TOPBP1: variants seen among roughly 807,000 people sequenced by gnomAD.
TOPBP1 encodes DNA topoisomerase II binding protein 1.
Under a neutral mutation model 167.7 loss-of-function variants are expected in TOPBP1, and 28 were observed. The observed-to-expected ratio is 0.17, with a 90% CI of 0.12 to 0.23. TOPBP1 has a LOEUF of 0.23. Among genes scored for constraint, TOPBP1 ranks in the 10% least tolerant of loss-of-function variants. The pLI is 1.00. For missense variants in TOPBP1, 1,554 were observed against 1,809.6 expected (o/e 0.86, Z 2.56); for synonymous variants, 598 against 611.4 (o/e 0.98, Z 0.32).
intron 14 of TOPBP1, among the ~76,000 whole-genome samples, chr3:133,630,309 T>G (rs1343589187): frequency 6.6e-6 from 1 of 151,740 alleles, no homozygotes; most frequent in East Asian, 1.9e-4. Flanking sequence ...AGCTTTTTTT[T>G]TTTTTCAGAG....
At chr3:133,657,257 T>C (rs1936507171) in intron 4 of TOPBP1, among the ~76,000 whole-genome samples, 1 of 151,754 alleles carries the variant, frequency 6.6e-6, no homozygotes. Flanking sequence ...GGCATGAAGA[T>C]TACTTGAGCC....
At chr3:133,637,142 G>A (rs1403423979) in intron 14 of TOPBP1, among the ~76,000 whole-genome samples, 1 of 151,972 alleles carries the variant, frequency 6.6e-6, no homozygotes, top group Non-Finnish European at 1.5e-5. Context: ...TACCCTACAA[G>A]CAAAAATATC....
rs768855763 is a variant in TOPBP1 at position 133,649,583 on chromosome 3, T to C, written c.1304A>G (p.Tyr435Cys). 48 of 1,613,852 alleles carry C rather than the reference T, an allele frequency of 3.0e-5. 1 individual carries two copies. The South Asian group carries it at 5.1e-4, about 17-fold the overall frequency. ...GATATATGGTTCTTCAGAAAGCATA[T>C]AACCTTTACTGAAACACTCTAGCAA... Reference protein sequence around the residue: ...KWLLECFSKGYMLSEEPYIHA... With the variant: ...KWLLECFSKGCMLSEEPYIHA... Residue 435 changes from tyrosine (Y) to cysteine (C), a missense_variant, in exon 10 of 28, where the codon TAT (tyrosine) becomes TGT (cysteine). This residue lies in a region of TOPBP1 where 1,197 missense variants were observed against 1,351.5 expected (regional missense o/e 0.89). Coordinates refer to ENST00000260810, the MANE Select transcript of TOPBP1 (RefSeq NM_007027.4).
At chr3:133,644,588 T>C (rs1281441112) in intron 10 of TOPBP1, among the ~76,000 whole-genome samples, 2 of 152,212 alleles carry the variant, frequency 1.3e-5, no homozygotes, top group African/African-American at 4.8e-5. Flanking sequence ...GCAATCATGT[T>C]AGTTCTAGGT....
rs749017476 is a variant in TOPBP1 at position 133,612,433 on chromosome 3, G to A, written c.3991C>T (p.Arg1331Cys). 1.9e-5 allele frequency: 30 copies of A among 1,613,764 alleles called. No individual in the cohort carries two copies. The highest frequency in any genetic ancestry group is 1.3e-4 in the Admixed American group (8 of 59,986). ...GTCCTGCAGGCTTCAAGGTAGGAGC[G>A]ATGAAGCACCCACTTCCCAGCTGCC... is the stretch of plus-strand genomic sequence containing the variant. ...SVAAGKWVLH[R>C]SYLEACRTAG... Residue 1331 changes from arginine (R) to cysteine (C), a missense_variant, in exon 24 of 28, where the codon CGC becomes TGC. Around this residue, in one of 3 missense-constraint regions of TOPBP1, gnomAD observed 351 missense variants for 432.9 expected, o/e 0.81. Transcript: ENST00000260810.
At chr3:133,620,571 A>G (rs1275989391) in intron 19 of TOPBP1, among the ~76,000 whole-genome samples, 1 of 149,144 alleles carries the variant, frequency 6.7e-6, no homozygotes, top group East Asian at 1.9e-4. Context: ...GAAGCCCTTC[A>G]AATACTTTTT....
Position 133,655,294 on chromosome 3 carries a change from T to C in TOPBP1, c.738A>G (p.Pro246=). ...CTTTGTGAAACACAGTTTTACCTTTTGGTTCTTGCACAATGAGGTGTGTAC... is the reference window on the plus strand; with the variant it reads ...CTTTGTGAAACACAGTTTTACCTTTCGGTTCTTGCACAATGAGGTGTGTAC... The part of the protein sequence containing the change: ...NECTHLIVQE[P]KGQKYECAKR... The change falls in exon 6 of 28, where the codon CCA becomes CCG. Residue 246 remains proline, a synonymous_variant. Coordinates refer to ENST00000260810, the MANE Select transcript of TOPBP1 (RefSeq NM_007027.4). 7.1e-7 allele frequency: 1 copy of C among 1,409,034 alleles called. No individual in the cohort carries two copies. The highest frequency in any genetic ancestry group is 2.0e-5 in the South Asian group (1 of 51,078). The allele number at this position is 1,409,034 out of a possible 1,614,324, so 87.3% of individuals were successfully genotyped here.
At chr3:133,610,559 G>A (rs1042332949) in intron 25 of TOPBP1, among the ~76,000 whole-genome samples, 1 of 150,158 alleles carries the variant, frequency 6.7e-6, no homozygotes, top group African/African-American at 2.5e-5. Context: ...AGTTGATAGT[G>A]TTGTGATTTG....
At chr3:133,648,480 G>C (rs945172132) in intron 10 of TOPBP1, among the ~76,000 whole-genome samples, 1 of 152,210 alleles carries the variant, frequency 6.6e-6, no homozygotes, top group Non-Finnish European at 1.5e-5. Flanking sequence ...AGTGGAGAGA[G>C]GGAGCAGGGC....
At chr3:133,604,591 C>G (rs1033946918) in intron 27 of TOPBP1, among the ~76,000 whole-genome samples, 1 of 151,784 alleles carries the variant, frequency 6.6e-6, no homozygotes, top group Admixed American at 6.6e-5. Context: ...AGCGCTGTAT[C>G]TAGTAAAGAA....
intron 25 of TOPBP1, among the ~76,000 whole-genome samples, chr3:133,610,262 A>G (rs1478990846): frequency 2.6e-5 from 4 of 152,206 alleles, no homozygotes. Context: ...ATTCCATGAA[A>G]GAATCTGAGA....
At chr3:133,634,980 A>G (rs1421483454) in intron 14 of TOPBP1, among the ~76,000 whole-genome samples, 1 of 152,254 alleles carries the variant, frequency 6.6e-6, no homozygotes, top group Admixed American at 6.5e-5. Flanking sequence ...ATGCAATGAA[A>G]AATAGAAGAG....
chr3:133,613,266 G>A (rs753011491), intron 23 of TOPBP1, among the ~76,000 whole-genome samples: 2 of 152,196 alleles, frequency 1.3e-5, no homozygotes, highest in Non-Finnish European at 2.9e-5. Context: ...CAGCCATAAT[G>A]CCATTATCAG....
intron 19 of TOPBP1, among the ~76,000 whole-genome samples, chr3:133,621,466 AT>A (rs1223908071): frequency 1.3e-5 from 2 of 152,250 alleles, no homozygotes; most frequent in Non-Finnish European, 2.9e-5. Flanking sequence ...AGTAAAAAAA[AT>A]AAAATATAAC....
At chr3:133,620,579 T>TC (rs1331855215) in intron 19 of TOPBP1, among the ~76,000 whole-genome samples, 9 of 144,624 alleles carry the variant, frequency 6.2e-5, no homozygotes, top group African/African-American at 2.5e-4. Context: ...TCAAATACTT[T>TC]TTTTTTTTTT....
At chr3:133,635,162 C>T (rs752784224) in intron 14 of TOPBP1, among the ~76,000 whole-genome samples, 6 of 152,172 alleles carry the variant, frequency 3.9e-5, no homozygotes, top group Non-Finnish European at 4.4e-5. Flanking sequence ...CACCATGTTG[C>T]CCAGGCTGGT....
At chr3:133,626,760 T>G (rs990212649) in intron 16 of TOPBP1, among the ~76,000 whole-genome samples, 1 of 152,234 alleles carries the variant, frequency 6.6e-6, no homozygotes, top group African/African-American at 2.4e-5. Context: ...ATATCTTTTC[T>G]ATATTATGCA....
chr3:133,624,175 C>G lies in TOPBP1; in HGVS notation c.2805G>C (p.Arg935Ser), dbSNP rs1576292018. Reference protein sequence around the residue: ...GIAASLGADYRWSFDETVTHF... With the variant: ...GIAASLGADYSWSFDETVTHF... ...GAGTCACTGTTTCATCAAAACTCCA[C>G]CTGAAATAACCAATACAAAAAAACA... The change falls in exon 17 of 28, where the codon AGG becomes AGC. Residue 935 changes from arginine (R) to serine (S), a missense_variant and splice_region_variant. Physicochemically the swap from Arg to Ser is moderately radical, Grantham distance 110 (BLOSUM62 -1). Around this residue, in one of 3 missense-constraint regions of TOPBP1, gnomAD observed 1,197 missense variants for 1,351.5 expected, o/e 0.89. Transcript: ENST00000260810. 6.2e-7 allele frequency: 1 copy of G among 1,611,764 alleles called. No homozygotes were observed. The highest frequency in any genetic ancestry group is 8.5e-7 in the Non-Finnish European group (1 of 1,179,380).
intron 23 of TOPBP1, 27 bp downstream of exon 23, chr3:133,616,786 AT>A (rs1443467002): frequency 7.7e-7 from 1 of 1,303,058 alleles, no homozygotes; most frequent in East Asian, 2.6e-5. Context: ...TATATGGGAC[AT>A]TTTGGATTTA....
Sources: allele counts gnomAD v4.1 joint callset (sites outside exome capture counted in the v4.1 genomes callset), GRCh38; gene constraint gnomAD v4.1.1; regional missense constraint gnomAD v4.1.1; transcripts MANE v1.5; gene names NCBI Gene and HGNC (gene_info 2026-07-23, HGNC 2026-07-21).